Variants in DYNC2H1 observed in about 807,000 individuals in gnomAD.
DYNC2H1 encodes cytoplasmic dynein 2 heavy chain 1.
A neutral mutation model predicts 570.0 loss-of-function variants in DYNC2H1; 410 were observed. The ratio of observed to expected loss-of-function variants is 0.72; its 90% CI spans 0.66 to 0.78. The LOEUF (loss-of-function observed/expected upper bound fraction) is 0.78, where lower values mean the gene tolerates loss of function less well. DYNC2H1 is among the 30% of genes least tolerant of loss of function. DYNC2H1 has a pLI of 0.00. For missense variants in DYNC2H1, 4,865 were observed against 5,046.4 expected (o/e 0.96, Z 1.09); for synonymous variants, 1,688 against 1,677.6 (o/e 1.01, Z -0.15).
intron 70 of DYNC2H1, among the ~76,000 whole-genome samples, chr11:103,273,252 C>T (rs1465401073): frequency 2.0e-5 from 3 of 151,186 alleles, no homozygotes; most frequent in African/African-American, 4.9e-5. Context: ...TGCAGTAGTG[C>T]GATCTCGGCT....
intron 17 of DYNC2H1, among the ~76,000 whole-genome samples, chr11:103,137,712 T>A (rs1204613684): frequency 6.6e-6 from 1 of 152,124 alleles, no homozygotes; most frequent in Non-Finnish European, 1.5e-5. Flanking sequence ...CAATGTGGGC[T>A]CTTTTTTGGT....
At chr11:103,386,733 G>A (rs1941892819) in intron 83 of DYNC2H1, among the ~76,000 whole-genome samples, 1 of 152,030 alleles carries the variant, frequency 6.6e-6, no homozygotes, top group South Asian at 2.1e-4. Flanking sequence ...TCCCACCTAT[G>A]AGTGAGAACA....
rs535897005 is a variant in DYNC2H1 at position 103,189,613 on chromosome 11, A to G, written c.7293-59A>G. 6.5e-7 allele frequency: 1 copy of G among 1,539,686 alleles called. No homozygotes were observed. Among genetic ancestry groups the G allele is most frequent in the Admixed American group, 1.8e-5 (1 of 55,980 alleles). On this transcript the variant is annotated intron_variant, in intron 44 of 88. Transcript: ENST00000375735. This position sits in a 1 kb window ranked among gnomAD's most constrained non-coding sequence, Gnocchi z 4.3. ...AACCACTGTTGTAACTTAACATTGA[A>G]ATATTAATTTGGAATACTGATTTAT...
rs763419649 is a variant in DYNC2H1, at chr11:103,115,272, GA to G, written c.600del (p.Glu200AspfsTer19). On this transcript the variant is annotated frameshift_variant, in exon 4 of 89. Transcript: ENST00000375735. LOFTEE classifies it high-confidence loss of function. ...ISKERANYFKELFETIAREFY... is the reference protein window; with the variant it reads ...ISKERANYFKXLFETIAREFY... ...TAAAGAAAGAGCCAATTATTTTAAAGAATTATTTGAAACAATTGCAAGAGTA... is the reference window on the plus strand; with the variant it reads ...TAAAGAAAGAGCCAATTATTTTAAAGATTATTTGAAACAATTGCAAGAGTA... 3.1e-6 allele frequency: 5 copies of G among 1,590,986 alleles called. No individual in the cohort carries two copies. Among genetic ancestry groups the G allele is most frequent in the Non-Finnish European group, 4.3e-6 (5 of 1,167,382 alleles).
At chr11:103,362,675 G>A (rs769037450) in intron 83 of DYNC2H1, among the ~76,000 whole-genome samples, 9 of 152,026 alleles carry the variant, frequency 5.9e-5, no homozygotes, top group East Asian at 1.9e-4. Flanking sequence ...CAAATAGAGC[G>A]CTACAAAGTT....
intron 87 of DYNC2H1, among the ~76,000 whole-genome samples, chr11:103,464,937 T>C (rs1945145680): frequency 6.6e-6 from 1 of 152,218 alleles, no homozygotes; most frequent in South Asian, 2.1e-4. Flanking sequence ...AAATATTGAC[T>C]GTAAAATATG....
chr11:103,410,987 T>C (rs1195180905), intron 84 of DYNC2H1, among the ~76,000 whole-genome samples: 1 of 152,120 alleles, frequency 6.6e-6, no homozygotes, highest in African/African-American at 2.4e-5. Context: ...ATCCGGGTGA[T>C]GTAGAGGGCA....
intron 17 of DYNC2H1, among the ~76,000 whole-genome samples, chr11:103,136,647 C>T (rs896121351): frequency 6.6e-6 from 1 of 152,126 alleles, no homozygotes; most frequent in African/African-American, 2.4e-5. Context: ...TGGATTGGTT[C>T]CAAGTCTTTG....
intron 80 of DYNC2H1, among the ~76,000 whole-genome samples, chr11:103,318,235 A>C (rs1937971171): frequency 6.6e-6 from 1 of 152,140 alleles, no homozygotes; most frequent in Admixed American, 6.6e-5. Flanking sequence ...CCAGCACCTT[A>C]ATCAAGAAAC....
At chr11:103,286,554 A>G (rs962706786) in intron 74 of DYNC2H1, among the ~76,000 whole-genome samples, 168 bp downstream of exon 74, 9 of 152,094 alleles carry the variant, frequency 5.9e-5, no homozygotes, top group Non-Finnish European at 1.0e-4. Context: ...AATCACGCCA[A>G]AGTTTCTGGG....
intron 83 of DYNC2H1, among the ~76,000 whole-genome samples, chr11:103,390,503 G>A (rs1474217607): frequency 2.0e-5 from 3 of 152,066 alleles, no homozygotes; most frequent in Non-Finnish European, 4.4e-5. Flanking sequence ...TTACATTTAA[G>A]GTTAGTATTG....
Position 103,294,363 on chromosome 11 carries a change from TCTAGGAATC to T in DYNC2H1, c.11095+6760_11095+6768del, listed in dbSNP as rs575259130. 6.2e-4 allele frequency among the ~76,000 whole-genome samples: 95 copies of T among 152,270 alleles called. 1 individual carries two copies. In the East Asian group the frequency reaches 0.013, roughly 20 times the overall value. ...TTACCTATTCTTCTTGAGAGGGCTT[TCTAGGAATC>T]CAAAGGAGACTGAGTGTTTTTACCT... On this transcript the variant is annotated intron_variant, in intron 75 of 88. Coordinates refer to ENST00000375735, the MANE Select transcript of DYNC2H1 (RefSeq NM_001377.3).
intron 59 of DYNC2H1, among the ~76,000 whole-genome samples, chr11:103,227,204 A>AT (rs1027278021): frequency 1.4e-3 from 198 of 140,806 alleles, no homozygotes; most frequent in African/African-American, 4.3e-3. Flanking sequence ...AATCTTCGTT[A>AT]TTTTTTTTTT....
At chr11:103,454,178 A>C (rs530778372) in intron 85 of DYNC2H1, among the ~76,000 whole-genome samples, 1 of 152,270 alleles carries the variant, frequency 6.6e-6, no homozygotes, top group South Asian at 2.1e-4. Context: ...GTTACAGTAC[A>C]TGAAACACAT....
chr11:103,426,060 G>A (rs1397762566), intron 84 of DYNC2H1, among the ~76,000 whole-genome samples: 1 of 152,022 alleles, frequency 6.6e-6, no homozygotes, highest in East Asian at 1.9e-4. Context: ...ACCCAGGACA[G>A]AAAATGGCTT....
chr11:103,422,748 T>G lies in DYNC2H1; in HGVS notation c.12367-13195T>G, dbSNP rs553658833. Among the ~76,000 whole-genome samples, 5 of 152,228 alleles carry G rather than the reference T, an allele frequency of 3.3e-5. No individual in the cohort carries two copies. The South Asian group carries it at 1.0e-3, about 32-fold the overall frequency. ...TGATGTAATAATGAATGGGCAAAAG[T>G]GGGAAGTATTCCCCTTGAAAACTGG... On this transcript the variant is annotated intron_variant, in intron 84 of 88. Transcript: ENST00000375735.
rs1356358972 is a variant in DYNC2H1 at position 103,199,556 on chromosome 11, G to C, written c.8088+80G>C. ...CTCTAAACATCTTTAAAGACCTAAAGGTTTAAAGAACTAAAGTTTTAAAGA... is the reference window on the plus strand; with the variant it reads ...CTCTAAACATCTTTAAAGACCTAAACGTTTAAAGAACTAAAGTTTTAAAGA... On this transcript the variant is annotated intron_variant, in intron 49 of 88. Coordinates refer to ENST00000375735, the MANE Select transcript of DYNC2H1 (RefSeq NM_001377.3). This position sits in a 1 kb window ranked among gnomAD's most constrained non-coding sequence, Gnocchi z 4.6. 3 of 1,311,136 alleles carry C rather than the reference G, an allele frequency of 2.3e-6. No individual in the cohort carries two copies. The highest frequency in any genetic ancestry group is 6.5e-5 in the Admixed American group (2 of 30,898). 81.2% of individuals were successfully genotyped at this position (1,311,136 alleles called of 1,614,324 possible). A position where few individuals can be genotyped will look rare whatever the true frequency, so the allele number is the denominator to read the frequency against.
chr11:103,415,153 A>C (rs1054452305), intron 84 of DYNC2H1, among the ~76,000 whole-genome samples: 1 of 152,202 alleles, frequency 6.6e-6, no homozygotes, highest in Non-Finnish European at 1.5e-5. Context: ...TACACCTTAT[A>C]CAAAAATTAA....
chr11:103,179,279 ACTGTC>A, intron 39 of DYNC2H1, 46 bp downstream of exon 39: 1 of 1,556,670 alleles, frequency 6.4e-7, no homozygotes, highest in Non-Finnish European at 8.8e-7. Context: ...ATATTCTTTT[ACTGTC>A]CTGGTTTCAT....
Sources: gnomAD v4.1 joint callset for allele counts (sites outside exome capture counted in the v4.1 genomes callset) on GRCh38, gnomAD v4.1.1 for gene constraint, Gnocchi (gnomAD v3.1) non-coding constraint, MANE v1.5 for transcripts, NCBI Gene and HGNC (gene_info 2026-07-23, HGNC 2026-07-21) for gene names.